The following PRR14L variants were observed in gnomAD, a reference collection of about 807,000 sequenced individuals.
The protein encoded by PRR14L is protein PRR14L.
Under a neutral mutation model 155.0 loss-of-function variants are expected in PRR14L, and 80 were observed. The ratio of observed to expected loss-of-function variants is 0.52; its 90% CI spans 0.43 to 0.62. The LOEUF is 0.62. Among genes scored for constraint, PRR14L ranks in the 20% least tolerant of loss-of-function variants. The probability of loss-of-function intolerance (pLI) is 0.00; values close to 1 mark genes in which losing one functional copy is unlikely to be tolerated. For synonymous variants in PRR14L, 883 were observed against 916.0 expected, an observed-to-expected ratio of 0.96 and a Z score of 0.65; for missense variants, 2,469 against 2,548.0, an observed-to-expected ratio of 0.97 and a Z score of 0.67.
At chr22:31,719,729 CTCTG>C in intron 3 of PRR14L, among the ~76,000 whole-genome samples, 1 of 151,030 alleles carries the variant, frequency 6.6e-6, no homozygotes, top group South Asian at 2.1e-4. Context: ...TCAATCATGG[CTCTG>C]TGACACTTTT....
chr22:31,715,483 A>C lies in PRR14L; in HGVS notation c.2356T>G (p.Ser786Ala). The C allele has an allele frequency of 6.4e-7, 1 of 1,552,308 alleles. No individual in the cohort carries two copies. Among genetic ancestry groups the C allele is most frequent in the African/African-American group, 1.4e-5 (1 of 73,182 alleles). Residue 786 changes from serine to alanine, a missense_variant, in exon 4 of 9, where the codon TCT becomes GCT. Transcript: ENST00000327423. ...ECHSVQSQDI[S>A]SCHRVRKNVS... ...TTTTTTCTTACACGATGACAGCTAG[A>C]GATATCCTGAGATTGAACGCTGTGA...
At chr22:31,742,610 G>A (rs905793648) in intron 1 of PRR14L, among the ~76,000 whole-genome samples, 35 of 151,894 alleles carry the variant, frequency 2.3e-4, no homozygotes, top group African/African-American at 4.8e-4. Context: ...CAAGTAATCC[G>A]CCCGCCTCGG....
intron 5 of PRR14L, among the ~76,000 whole-genome samples, chr22:31,704,188 T>C (rs1156885549): frequency 2.6e-5 from 4 of 152,240 alleles, no homozygotes; most frequent in Non-Finnish European, 4.4e-5. Context: ...CTTCCAGACA[T>C]AGCCTGTATC....
chr22:31,683,371 C>G lies in PRR14L; in HGVS notation c.*2156G>C, dbSNP rs911068045. On this transcript the variant is annotated 3_prime_UTR_variant, in exon 9 of 9. Transcript: ENST00000327423. ...CTGTTGACTCACTGCTAGTCTGCAA[C>G]CTGTCCAGTAGGAGCTCCTTAAACA... 2 of 152,246 alleles carry G rather than the reference C, an allele frequency of 1.3e-5. No individual in the cohort carries two copies. Among genetic ancestry groups the G allele is most frequent in the Non-Finnish European group, 2.9e-5 (2 of 68,068 alleles). 9.4% of individuals were successfully genotyped at this position (152,246 alleles called of 1,614,324 possible).
chr22:31,699,590 T>C (rs2074553052), intron 7 of PRR14L, among the ~76,000 whole-genome samples: 2 of 152,180 alleles, frequency 1.3e-5, no homozygotes, highest in South Asian at 4.1e-4. Context: ...TCCCAAGAAT[T>C]TGGAGAAGAG....
Position 31,714,986 on chromosome 22 carries a change from G to A in PRR14L, c.2853C>T (p.Ser951=), listed in dbSNP as rs1429326619. ...VLDQSPTVMF[S]SFKNVKSVET... ...CAACTGATTTTACATTTTTAAAACT[G>A]GAGAACATAACAGTAGGAGACTGGT... The change falls in exon 4 of 9, where the codon TCC becomes TCT. Residue 951 remains serine (S), a synonymous_variant. Coordinates refer to ENST00000327423, the MANE Select transcript of PRR14L (RefSeq NM_173566.3). 7 of 1,551,978 alleles carry A rather than the reference G, an allele frequency of 4.5e-6. No homozygotes were observed. The highest frequency in any genetic ancestry group is 6.1e-6 in the Non-Finnish European group (7 of 1,147,084).
chr22:31,709,705 T>C (rs1175768169), intron 4 of PRR14L, among the ~76,000 whole-genome samples: 1 of 151,254 alleles, frequency 6.6e-6, no homozygotes, highest in Non-Finnish European at 1.5e-5. Context: ...CATGCCCAGC[T>C]AATTTTTGTA....
At chr22:31,700,260 A>G (rs1306706878) in intron 7 of PRR14L, among the ~76,000 whole-genome samples, 1 of 152,230 alleles carries the variant, frequency 6.6e-6, no homozygotes, top group Admixed American at 6.5e-5. Context: ...ATTTATGTAA[A>G]CAAGGTTCTT....
chr22:31,743,628 C>T (rs1309796810), intron 1 of PRR14L, among the ~76,000 whole-genome samples: 1 of 151,982 alleles, frequency 6.6e-6, no homozygotes, highest in Admixed American at 6.6e-5. Context: ...TGGTGAAACC[C>T]TGTCTCTACT....
intron 6 of PRR14L, among the ~76,000 whole-genome samples, chr22:31,702,001 T>G (rs536089744): frequency 3.9e-5 from 6 of 152,294 alleles, no homozygotes; most frequent in African/African-American, 1.4e-4. Flanking sequence ...GGTCTCGCTA[T>G]ATTGCCCAGG....
chr22:31,688,027 C>CA (rs77978141), intron 8 of PRR14L, 129 bp downstream of exon 8: 33,244 of 578,472 alleles, frequency 0.057, 56 homozygotes, highest in African/African-American at 0.093. Flanking sequence ...GACTCTGTCT[C>CA]AAAAAAAAAA....
Position 31,749,994 on chromosome 22 carries a change from C to G in PRR14L, c.-53G>C, listed in dbSNP as rs1352501597. 1 of 153,386 alleles carries G rather than the reference C, an allele frequency of 6.5e-6. No homozygotes were observed. Among genetic ancestry groups the G allele is most frequent in the Non-Finnish European group, 1.4e-5 (1 of 69,028 alleles). 9.5% of individuals were successfully genotyped at this position (153,386 alleles called of 1,614,324 possible). ...AGCCTTCCAGTCCCGGCCTCTTACC[C>G]TGAGACCTCCTCCGCGGCCCGCGCT... On this transcript the variant is annotated splice_region_variant and 5_prime_UTR_variant, in exon 1 of 9. Coordinates refer to ENST00000327423, the MANE Select transcript of PRR14L (RefSeq NM_173566.3).
intron 2 of PRR14L, among the ~76,000 whole-genome samples, chr22:31,726,482 G>C (rs1601511204): frequency 1.3e-5 from 2 of 152,156 alleles, no homozygotes; most frequent in East Asian, 3.9e-4. Context: ...GGCCAGGCTA[G>C]TCTCAAACTC....
At chr22:31,723,647 C>T (rs914293850) in intron 3 of PRR14L, among the ~76,000 whole-genome samples, 1 of 151,690 alleles carries the variant, frequency 6.6e-6, no homozygotes, top group Admixed American at 6.6e-5. Flanking sequence ...TTCTCATCTT[C>T]GGAGGAATGT....
intron 7 of PRR14L, among the ~76,000 whole-genome samples, chr22:31,688,677 T>C (rs1358324384): frequency 6.6e-6 from 1 of 152,170 alleles, no homozygotes; most frequent in Non-Finnish European, 1.5e-5. Flanking sequence ...TTTTCATAGA[T>C]TTATATCTAC....
intron 3 of PRR14L, among the ~76,000 whole-genome samples, chr22:31,719,078 A>T (rs2074676271): frequency 6.6e-6 from 1 of 151,834 alleles, no homozygotes; most frequent in African/African-American, 2.4e-5. Flanking sequence ...TGTCTCAAAA[A>T]ACAAAGAACA....
intron 7 of PRR14L, among the ~76,000 whole-genome samples, chr22:31,691,050 G>A (rs1368421693): frequency 6.6e-5 from 10 of 150,478 alleles, no homozygotes; most frequent in Non-Finnish European, 1.5e-4. Flanking sequence ...TGCAACATCC[G>A]CATTCCGGGT....
In PRR14L at chr22:31,712,491, C is replaced by T; in HGVS notation, c.5348G>A (p.Gly1783Asp). Residue 1783 changes from glycine (G) to aspartate (D), a missense_variant, in exon 4 of 9, where the codon GGC (glycine) becomes GAC (aspartate). Physicochemically the swap from Gly to Asp is moderately conservative, Grantham distance 94. Coordinates refer to ENST00000327423, the MANE Select transcript of PRR14L (RefSeq NM_173566.3). ...CTGAGTGTGGGTCTGACTATGGACG[C>T]CAGTGTCTTCCCTGAATGTTGCCAT... ...PGMATFREDT[G>D]VHSQTHTQAP... is the part of the protein sequence containing the mutation. 6.4e-7 allele frequency: 1 copy of T among 1,552,058 alleles called. No homozygotes were observed. The highest frequency in any genetic ancestry group is 8.7e-7 in the Non-Finnish European group (1 of 1,147,110).
intron 1 of PRR14L, among the ~76,000 whole-genome samples, chr22:31,749,770 C>G (rs899306217): frequency 6.6e-6 from 1 of 152,230 alleles, no homozygotes; most frequent in Non-Finnish European, 1.5e-5. Flanking sequence ...CGCGTCGGAG[C>G]CATGACTCGG....
Sources: allele counts gnomAD v4.1 joint callset (sites outside exome capture counted in the v4.1 genomes callset), GRCh38; gene constraint gnomAD v4.1.1; transcripts MANE v1.5; gene names NCBI Gene and HGNC (gene_info 2026-07-23, HGNC 2026-07-21).